MACROD2: variants seen among roughly 807,000 people sequenced by gnomAD.
The protein encoded by MACROD2 is mono-ADP ribosylhydrolase 2.
MACROD2 carries 36 observed loss-of-function variants against 70.4 expected under a neutral mutation model. The ratio of observed to expected loss-of-function variants is 0.51; its 90% CI spans 0.39 to 0.68. MACROD2 has a LOEUF of 0.68. Ranked by LOEUF, MACROD2 falls within the 30% of genes least tolerant of loss-of-function variation. MACROD2 has a pLI of 0.00. For missense variants in MACROD2, 496 were observed against 538.4 expected, an observed-to-expected ratio of 0.92 and a Z score of 0.78; for synonymous variants, 172 against 178.8, an observed-to-expected ratio of 0.96 and a Z score of 0.30.
chr20:16,044,044 A>T (rs990304884), intron 16 of MACROD2, among the ~76,000 whole-genome samples: 6 of 152,142 alleles, frequency 3.9e-5, no homozygotes, highest in Admixed American at 2.0e-4. Context: ...CCAAGACTGG[A>T]TAATTTAGAA....
At chr20:14,047,972 G>A (rs764022261) in intron 2 of MACROD2, among the ~76,000 whole-genome samples, 2 of 150,282 alleles carry the variant, frequency 1.3e-5, no homozygotes, top group African/African-American at 2.4e-5. Context: ...AACAGCAGGC[G>A]TACCCCTAAC....
intron 8 of MACROD2, among the ~76,000 whole-genome samples, chr20:15,514,648 T>C (rs1286209547): frequency 1.3e-5 from 2 of 152,200 alleles, no homozygotes; most frequent in Non-Finnish European, 2.9e-5. Flanking sequence ...TACATAACCA[T>C]ATATAAATGA....
chr20:15,300,951 G>A (rs1387374012), intron 6 of MACROD2, among the ~76,000 whole-genome samples: 2 of 152,204 alleles, frequency 1.3e-5, no homozygotes, highest in Non-Finnish European at 2.9e-5. Flanking sequence ...AGTTTCTTGA[G>A]AGGGGAGAGA....
intron 10 of MACROD2, among the ~76,000 whole-genome samples, chr20:15,929,087 C>T (rs2065534299): frequency 6.6e-6 from 1 of 152,114 alleles, no homozygotes; most frequent in Non-Finnish European, 1.5e-5. Context: ...TATTCTCATG[C>T]TCACAGGTCT....
intron 9 of MACROD2, among the ~76,000 whole-genome samples, chr20:15,869,834 A>C (rs569019687): frequency 6.6e-6 from 1 of 152,274 alleles, no homozygotes; most frequent in South Asian, 2.1e-4. Flanking sequence ...ATGTCTAGCT[A>C]AAATGCATAC....
At chr20:14,603,606 A>T (rs1450500136) in intron 4 of MACROD2, among the ~76,000 whole-genome samples, 1 of 152,208 alleles carries the variant, frequency 6.6e-6, no homozygotes, top group Non-Finnish European at 1.5e-5. Flanking sequence ...GGTAATGATT[A>T]ACTTGATGTG....
chr20:16,032,641 G>A (rs745367881), intron 15 of MACROD2, among the ~76,000 whole-genome samples: 3 of 150,306 alleles, frequency 2.0e-5, no homozygotes, highest in Non-Finnish European at 4.4e-5. Flanking sequence ...AAGAAAAGAG[G>A]GAGGGAAGAA....
Position 14,293,499 on chromosome 20 carries a change from TC to T in MACROD2, c.272-199979del, listed in dbSNP as rs371491782. On this transcript the variant is annotated intron_variant, in intron 3 of 17. Coordinates refer to ENST00000684519, the MANE Select transcript of MACROD2 (RefSeq NM_001351661.2). ...CGAGAAGGAGTTAGCCATGTGAAGA[TC>T]TGGGGGAAAAAGATCTATTTCAAGA... Among the ~76,000 whole-genome samples, 181 of 151,760 alleles carry T rather than the reference TC, an allele frequency of 1.2e-3. 6 individuals carry two copies. The South Asian group carries it at 0.035, about 30-fold the overall frequency.
At position 16,052,624 on chromosome 20, in the gene MACROD2, A is replaced by G. The variant is rs2067473020; in HGVS notation, c.*2748A>G. On this transcript the variant is annotated 3_prime_UTR_variant, in exon 18 of 18. Transcript: ENST00000684519. ...AGTCTTCTTTCATAAAAGATTACAAAGAAGGCATCCGAATCACTGTCTGTG... is the reference window on the plus strand; with the variant it reads ...AGTCTTCTTTCATAAAAGATTACAAGGAAGGCATCCGAATCACTGTCTGTG... 6.6e-6 allele frequency: 1 copy of G among 152,656 alleles called. No individual in the cohort carries two copies. Among genetic ancestry groups the G allele is most frequent in the Non-Finnish European group, 1.5e-5 (1 of 68,040 alleles). 9.5% of individuals were successfully genotyped at this position (152,656 alleles called of 1,614,324 possible). A position where few individuals can be genotyped will look rare whatever the true frequency, so the allele number is the denominator to read the frequency against.
chr20:14,981,173 T>G (rs1007167699), intron 5 of MACROD2, among the ~76,000 whole-genome samples: 1 of 152,062 alleles, frequency 6.6e-6, no homozygotes, highest in African/African-American at 2.4e-5. Context: ...GGTCCTACAC[T>G]GAGGTGACAT....
At chr20:15,126,528 C>G (rs969751241) in intron 5 of MACROD2, among the ~76,000 whole-genome samples, 1 of 152,014 alleles carries the variant, frequency 6.6e-6, no homozygotes, top group Non-Finnish European at 1.5e-5. Flanking sequence ...TTGCAGCTTA[C>G]AGTAGTTCAC....
At chr20:14,303,675 T>C (rs1362911231) in intron 3 of MACROD2, among the ~76,000 whole-genome samples, 1 of 152,184 alleles carries the variant, frequency 6.6e-6, no homozygotes, top group Non-Finnish European at 1.5e-5. Flanking sequence ...TTGTGCCTTT[T>C]TAAGTTTTAT....
At chr20:14,881,443 A>G (rs749519622) in intron 5 of MACROD2, among the ~76,000 whole-genome samples, 4 of 151,830 alleles carry the variant, frequency 2.6e-5, no homozygotes, top group Non-Finnish European at 4.4e-5. Context: ...TCAGACTTCA[A>G]ATCTATAAAA....
chr20:15,751,022 T>A (rs56162742), intron 8 of MACROD2, among the ~76,000 whole-genome samples: 17,116 of 151,810 alleles, frequency 0.11, 1,102 homozygotes, highest in Admixed American at 0.14. Flanking sequence ...ATGGGAGAGA[T>A]TGGTCAATGC....
At chr20:15,958,049 T>C (rs946896508) in intron 12 of MACROD2, among the ~76,000 whole-genome samples, 2 of 152,214 alleles carry the variant, frequency 1.3e-5, no homozygotes, top group African/African-American at 4.8e-5. Flanking sequence ...GATTATAGAC[T>C]CTTAGGGAAA....
chr20:14,795,684 AG>A (rs1210450362), intron 5 of MACROD2, among the ~76,000 whole-genome samples: 2 of 152,158 alleles, frequency 1.3e-5, no homozygotes, highest in East Asian at 3.8e-4. Flanking sequence ...GATAGGAATT[AG>A]TAAGTTATTT....
chr20:15,431,657 A>G (rs2046365057), intron 7 of MACROD2, among the ~76,000 whole-genome samples: 1 of 152,018 alleles, frequency 6.6e-6, no homozygotes, highest in African/African-American at 2.4e-5. Context: ...TATTTGATAC[A>G]TTGTGGCTTG....
chr20:14,677,395 T>C (rs1364608961), intron 4 of MACROD2, among the ~76,000 whole-genome samples: 2 of 152,216 alleles, frequency 1.3e-5, no homozygotes, highest in South Asian at 2.1e-4. Context: ...TGGAATTCTT[T>C]AGGCTATAGT....
intron 5 of MACROD2, among the ~76,000 whole-genome samples, chr20:15,040,310 G>A (rs1367340789): frequency 2.4e-5 from 3 of 123,242 alleles, no homozygotes; most frequent in East Asian, 2.2e-4. Context: ...GCGAGACTCC[G>A]TCTCAGGAAA....
Sources: gnomAD v4.1 joint callset for allele counts (sites outside exome capture counted in the v4.1 genomes callset) on GRCh38, gnomAD v4.1.1 for gene constraint, MANE v1.5 for transcripts, NCBI Gene and HGNC (gene_info 2026-07-23, HGNC 2026-07-21) for gene names.